Variants in EYA2 observed in about 807,000 individuals in gnomAD.
EYA2 encodes protein phosphatase EYA2.
Under a neutral mutation model 69.2 loss-of-function variants are expected in EYA2, and 31 were observed. The ratio of observed to expected loss-of-function variants is 0.45; its 90% CI spans 0.34 to 0.60. The LOEUF is 0.60. Among genes scored for constraint, EYA2 ranks in the 20% least tolerant of loss-of-function variants. The pLI is 0.02. For synonymous variants in EYA2, 257 were observed against 279.4 expected (o/e 0.92, Z 0.80); for missense variants, 622 against 701.2 (o/e 0.89, Z 1.28).
At chr20:46,928,378 A>C (rs1412956) in intron 1 of EYA2, among the ~76,000 whole-genome samples, 5 of 152,042 alleles carry the variant, frequency 3.3e-5, no homozygotes, top group Non-Finnish European at 7.4e-5. Context: ...AAATGGGAGG[A>C]GAGTAGTAAT....
chr20:47,003,936 G>A (rs1461818600), intron 3 of EYA2, among the ~76,000 whole-genome samples: 1 of 152,218 alleles, frequency 6.6e-6, no homozygotes, highest in Non-Finnish European at 1.5e-5. Context: ...CCACCCCAGA[G>A]ATTTGATAAG....
intron 12 of EYA2, among the ~76,000 whole-genome samples, chr20:47,178,335 C>CA (rs11482454): frequency 0.57 from 70,091 of 122,164 alleles, 18,985 homozygotes; most frequent in African/African-American, 0.71. Context: ...GATCTTGTCT[C>CA]AAAAAAAAAA....
Position 47,093,250 on chromosome 20 carries a change from G to A in EYA2, c.805-3835G>A, listed in dbSNP as rs552368207. Reference sequence around the variant, plus strand: ...GAAACCAGGTCCTGGTAAAGTGTTAGTTTGTTTGTATCTTTCACCTTCTGT... The same window carrying A: ...GAAACCAGGTCCTGGTAAAGTGTTAATTTGTTTGTATCTTTCACCTTCTGT... On this transcript the variant is annotated intron_variant, in intron 8 of 15. Coordinates refer to ENST00000327619, the MANE Select transcript of EYA2 (RefSeq NM_005244.5). Among the ~76,000 whole-genome samples, 47 of 152,266 alleles carry A rather than the reference G, an allele frequency of 3.1e-4. No homozygotes were observed. In the South Asian group the frequency reaches 8.9e-3, roughly 29 times the overall value.
At chr20:46,978,815 T>C (rs1189870921) in intron 1 of EYA2, among the ~76,000 whole-genome samples, 1 of 152,068 alleles carries the variant, frequency 6.6e-6, no homozygotes, top group Non-Finnish European at 1.5e-5. Context: ...GGCCTGGAGA[T>C]GGATTGGACG....
chr20:47,171,632 G>A (rs2034324552), intron 11 of EYA2, among the ~76,000 whole-genome samples: 1 of 152,116 alleles, frequency 6.6e-6, no homozygotes, highest in African/African-American at 2.4e-5. Context: ...AGCAGGGAAG[G>A]CAGGATTCAA....
At chr20:47,070,720 G>C (rs977296150) in intron 5 of EYA2, among the ~76,000 whole-genome samples, 2 of 152,122 alleles carry the variant, frequency 1.3e-5, no homozygotes, top group Admixed American at 1.3e-4. Context: ...GATGAATGAT[G>C]GTGATGAGTA....
At chr20:46,971,864 G>A (rs1044097020) in intron 1 of EYA2, among the ~76,000 whole-genome samples, 1 of 152,148 alleles carries the variant, frequency 6.6e-6, no homozygotes, top group African/African-American at 2.4e-5. Flanking sequence ...TCATTTCGCT[G>A]GTACTCATTG....
chr20:47,111,859 T>A (rs866233422), intron 9 of EYA2, among the ~76,000 whole-genome samples: 3 of 152,308 alleles, frequency 2.0e-5, no homozygotes, highest in Middle Eastern at 3.4e-3. Context: ...GAACTCTGAC[T>A]AGTAGCCCAA....
At chr20:46,912,338 T>G (rs1354489061) in intron 1 of EYA2, among the ~76,000 whole-genome samples, 1 of 152,130 alleles carries the variant, frequency 6.6e-6, no homozygotes, top group Non-Finnish European at 1.5e-5. Context: ...GAGGTGAGAC[T>G]TTTTTTTCTT....
chr20:46,911,995 G>A (rs1600536631), intron 1 of EYA2, among the ~76,000 whole-genome samples: 1 of 152,312 alleles, frequency 6.6e-6, no homozygotes, highest in East Asian at 1.9e-4. Flanking sequence ...TAAATACCCT[G>A]ATTTGATCAT....
At chr20:46,966,290 C>T (rs149662376) in intron 1 of EYA2, among the ~76,000 whole-genome samples, 1 of 152,140 alleles carries the variant, frequency 6.6e-6, no homozygotes, top group East Asian at 1.9e-4. Flanking sequence ...CCCAGCATAC[C>T]GTTCATTCAT....
intron 5 of EYA2, among the ~76,000 whole-genome samples, chr20:47,068,973 C>T (rs2031213045): frequency 6.6e-6 from 1 of 152,160 alleles, no homozygotes; most frequent in Non-Finnish European, 1.5e-5. Flanking sequence ...GACAGCAGTC[C>T]ATGCCCCTTC....
At chr20:47,089,410 G>A (rs773379387) in intron 8 of EYA2, 29 bp downstream of exon 8, 17 of 1,593,270 alleles carry the variant, frequency 1.1e-5, no homozygotes, top group African/African-American at 4.0e-5. Context: ...GTGTGACCTG[G>A]TGAATGTAAT....
At chr20:47,126,183 G>A (rs954029008) in intron 9 of EYA2, among the ~76,000 whole-genome samples, 2 of 152,200 alleles carry the variant, frequency 1.3e-5, no homozygotes, top group East Asian at 1.9e-4. Context: ...ATTGCAAAGC[G>A]CGAGGCCAAA....
Position 47,188,434 on chromosome 20 carries a change from C to T in EYA2, c.*301C>T, listed in dbSNP as rs2034691017. 1.8e-6 allele frequency: 1 copy of T among 559,588 alleles called. No individual in the cohort carries two copies. Among genetic ancestry groups the T allele is most frequent in the Non-Finnish European group, 3.2e-6 (1 of 315,252 alleles). 34.7% of individuals were successfully genotyped at this position (559,588 alleles called of 1,614,324 possible). A position where few individuals can be genotyped will look rare whatever the true frequency, so the allele number is the denominator to read the frequency against. On this transcript the variant is annotated 3_prime_UTR_variant, in exon 16 of 16. Coordinates refer to ENST00000327619, the MANE Select transcript of EYA2 (RefSeq NM_005244.5). ...AAGGAATTGCTGATTTGGGGGGTGC[C>T]TGGTGATGAGGAGGGGATGGGTTTG...
chr20:47,154,441 A>G (rs78309341), intron 10 of EYA2, among the ~76,000 whole-genome samples: 2,770 of 152,130 alleles, frequency 0.018, 81 homozygotes, highest in African/African-American at 0.062. Context: ...TTTACAAATG[A>G]GGAAACTGAG....
At chr20:46,982,541 G>GCT in intron 1 of EYA2, among the ~76,000 whole-genome samples, 1 of 152,034 alleles carries the variant, frequency 6.6e-6, no homozygotes, top group East Asian at 1.9e-4. Context: ...TTTCTGACTT[G>GCT]CTCTCTCTCT....
chr20:47,060,781 G>A (rs1053146908), intron 5 of EYA2, among the ~76,000 whole-genome samples: 18 of 151,846 alleles, frequency 1.2e-4, no homozygotes, highest in African/African-American at 1.9e-4. Flanking sequence ...GGATGCTGCC[G>A]GCCTCGGACT....
chr20:46,944,105 C>T (rs1418860249), intron 1 of EYA2, among the ~76,000 whole-genome samples: 5 of 152,162 alleles, frequency 3.3e-5, no homozygotes, highest in Non-Finnish European at 7.3e-5. Flanking sequence ...TCTGCTCCCC[C>T]TGGATGGCTC....
Sources: allele counts gnomAD v4.1 joint callset (sites outside exome capture counted in the v4.1 genomes callset), GRCh38; gene constraint gnomAD v4.1.1; transcripts MANE v1.5; gene names NCBI Gene and HGNC (gene_info 2026-07-23, HGNC 2026-07-21).